Variants in PTPRD observed in about 807,000 individuals in gnomAD.
The protein encoded by PTPRD is protein tyrosine phosphatase receptor type D, also known as receptor-type tyrosine-protein phosphatase delta.
PTPRD carries 34 observed loss-of-function variants against 214.5 expected under a neutral mutation model. The ratio of observed to expected loss-of-function variants is 0.16; its 90% confidence interval spans 0.12 to 0.21. The LOEUF is 0.21. Among genes scored for constraint, PTPRD ranks in the 10% least tolerant of loss-of-function variants. The pLI is 1.00. For missense variants in PTPRD, 2,545 were observed against 2,398.7 expected (o/e 1.06, Z -1.27); for synonymous variants, 1,128 against 845.7 (o/e 1.33, Z -5.79).
intron 5 of PTPRD, among the ~76,000 whole-genome samples, chr9:9,909,407 G>A (rs1449038254): frequency 1.3e-5 from 2 of 149,184 alleles, no homozygotes; most frequent in Non-Finnish European, 1.5e-5. Context: ...ATATTGGAAA[G>A]ACTTTAAAAT....
intron 8 of PTPRD, among the ~76,000 whole-genome samples, chr9:9,498,273 C>T (rs2096273333): frequency 6.6e-6 from 1 of 152,080 alleles, no homozygotes; most frequent in East Asian, 1.9e-4. Context: ...TTGTATTACG[C>T]AGTCTTGTAA....
intron 9 of PTPRD, among the ~76,000 whole-genome samples, chr9:9,272,827 C>G (rs949868251): frequency 2.6e-4 from 39 of 151,314 alleles, no homozygotes; most frequent in African/African-American, 9.2e-4. Flanking sequence ...AACTCTGTGC[C>G]AAGATATTCT....
rs575382536 is a variant in PTPRD, at chr9:9,838,878, T to A, written c.-367-72027A>T. 8.5e-5 allele frequency among the ~76,000 whole-genome samples: 13 copies of A among 152,294 alleles called. No individual in the cohort carries two copies. In the East Asian group the frequency reaches 2.5e-3, roughly 29 times the overall value. ...CTGAATGGTAATGCCTAGGTTTTCT[T>A]CTAGGATTTTTATGGTTTTAGGTCT... On this transcript the variant is annotated intron_variant, in intron 5 of 45. Transcript: ENST00000381196.
At chr9:9,610,657 T>G (rs529327151) in intron 7 of PTPRD, among the ~76,000 whole-genome samples, 255 of 152,278 alleles carry the variant, frequency 1.7e-3, no homozygotes, top group African/African-American at 5.8e-3. Context: ...GGATGAAAGA[T>G]GACAATTATC....
chr9:9,660,838 C>G (rs1279227001), intron 7 of PTPRD, among the ~76,000 whole-genome samples: 1 of 151,960 alleles, frequency 6.6e-6, no homozygotes, highest in Non-Finnish European at 1.5e-5. Flanking sequence ...TTAGCTCCTT[C>G]TCATTATTAT....
intron 7 of PTPRD, among the ~76,000 whole-genome samples, chr9:9,721,370 T>C (rs1281005387): frequency 1.3e-5 from 2 of 152,178 alleles, no homozygotes; most frequent in Admixed American, 1.3e-4. Flanking sequence ...AGGACTATAC[T>C]ATTTTTAATG....
intron 2 of PTPRD, among the ~76,000 whole-genome samples, chr9:10,393,436 T>A (rs1191444303): frequency 6.6e-6 from 1 of 151,622 alleles, no homozygotes; most frequent in East Asian, 1.9e-4. Flanking sequence ...TTTATATTTG[T>A]TACATTAGTT....
chr9:9,553,085 A>G (rs1270556714), intron 8 of PTPRD, among the ~76,000 whole-genome samples: 11 of 152,092 alleles, frequency 7.2e-5, no homozygotes, highest in Admixed American at 5.2e-4. Flanking sequence ...AGGCAAAGGC[A>G]GCAAAGCATG....
intron 2 of PTPRD, among the ~76,000 whole-genome samples, chr9:10,601,622 T>A (rs918428210): frequency 6.6e-6 from 1 of 151,778 alleles, no homozygotes; most frequent in African/African-American, 2.4e-5. Flanking sequence ...GAATTTTATA[T>A]CTTCTTTCTT....
intron 14 of PTPRD, among the ~76,000 whole-genome samples, chr9:8,563,430 T>G (rs932951450): frequency 6.6e-6 from 1 of 150,552 alleles, no homozygotes; most frequent in Non-Finnish European, 1.5e-5. Context: ...AAAGTTTTGA[T>G]GTAGACTTTT....
At chr9:8,553,296 C>A (rs1480894292) in intron 14 of PTPRD, among the ~76,000 whole-genome samples, 2 of 152,072 alleles carry the variant, frequency 1.3e-5, no homozygotes, top group African/African-American at 4.8e-5. Flanking sequence ...AGAGTAGAAA[C>A]CCTCTACGGA....
At chr9:9,483,311 G>A (rs10977817) in intron 8 of PTPRD, among the ~76,000 whole-genome samples, 13,056 of 152,128 alleles carry the variant, frequency 0.086, 683 homozygotes, top group Non-Finnish European at 0.12. Context: ...CAGCAAGTAC[G>A]TTGCCCTTAT....
At chr9:9,679,664 T>G (rs1213092360) in intron 7 of PTPRD, among the ~76,000 whole-genome samples, 1 of 151,908 alleles carries the variant, frequency 6.6e-6, no homozygotes, top group Non-Finnish European at 1.5e-5. Flanking sequence ...AGTAGCTGGG[T>G]GCCCTAGATT....
At chr9:8,495,737 T>C (rs567368975) in intron 26 of PTPRD, among the ~76,000 whole-genome samples, 219 of 152,364 alleles carry the variant, frequency 1.4e-3, no homozygotes, top group African/African-American at 5.0e-3. Context: ...CTGTGAGTTA[T>C]AGTCAAAGAA....
chr9:9,590,554 T>C (rs1471092646), intron 7 of PTPRD, among the ~76,000 whole-genome samples: 1 of 152,004 alleles, frequency 6.6e-6, no homozygotes, highest in Non-Finnish European at 1.5e-5. Flanking sequence ...ATCAATTCCT[T>C]AACAATTCAG....
Position 9,841,674 on chromosome 9 carries a change from A to G in PTPRD, c.-367-74823T>C, listed in dbSNP as rs541362832. Among the ~76,000 whole-genome samples, 22 of 152,258 alleles carry G rather than the reference A, an allele frequency of 1.4e-4. No homozygotes were observed. The South Asian group carries it at 4.1e-3, about 29-fold the overall frequency. ...TAGCAAGTAGTTACTTAAGGTTCACATATTTTTAGTGGTAAAACTAAAAAT... is the reference window on the plus strand; with the variant it reads ...TAGCAAGTAGTTACTTAAGGTTCACGTATTTTTAGTGGTAAAACTAAAAAT... On this transcript the variant is annotated intron_variant, in intron 5 of 45. Coordinates refer to ENST00000381196, the MANE Select transcript of PTPRD (RefSeq NM_002839.4).
At chr9:9,934,516 A>AGT (rs1434260046) in intron 5 of PTPRD, among the ~76,000 whole-genome samples, 3 of 150,578 alleles carry the variant, frequency 2.0e-5, no homozygotes, top group Non-Finnish European at 4.4e-5. Context: ...CTCTCCCAAG[A>AGT]CTAAACCAGG....
intron 4 of PTPRD, among the ~76,000 whole-genome samples, chr9:9,983,100 G>T (rs1378683461): frequency 3.3e-5 from 5 of 151,460 alleles, no homozygotes; most frequent in Non-Finnish European, 7.4e-5. Flanking sequence ...CTCATTTGTC[G>T]CTAGGGTACA....
chr9:10,095,359 A>G (rs1056626457), intron 3 of PTPRD, among the ~76,000 whole-genome samples: 4 of 151,496 alleles, frequency 2.6e-5, no homozygotes, highest in Non-Finnish European at 4.4e-5. Context: ...TCAGGAATCC[A>G]TAGTTGTTCC....
Sources: gnomAD v4.1 joint callset for allele counts (sites outside exome capture counted in the v4.1 genomes callset) on GRCh38, gnomAD v4.1.1 for gene constraint, MANE v1.5 for transcripts, NCBI Gene and HGNC (gene_info 2026-07-23, HGNC 2026-07-21) for gene names.